The following ERICH1 variants were observed in gnomAD, a reference collection of about 807,000 sequenced individuals.
The protein encoded by ERICH1 is glutamate rich 1.
Under a neutral mutation model 39.6 loss-of-function variants are expected in ERICH1, and 56 were observed. The ratio of observed to expected loss-of-function variants is 1.41; its 90% CI spans 1.14 to 1.77. ERICH1 has a LOEUF of 1.77. Ranked by LOEUF, ERICH1 falls within the 40% of genes most tolerant of loss-of-function variation. The pLI is 0.00. For synonymous variants in ERICH1, 313 were observed against 223.6 expected, an observed-to-expected ratio of 1.40 and a Z score of -3.57; for missense variants, 826 against 575.4, an observed-to-expected ratio of 1.44 and a Z score of -4.45.
In ERICH1 at chr8:692,563, C is replaced by T. The variant is rs1809155661; in HGVS notation, c.219G>A (p.Gly73=). 6.2e-7 allele frequency: 1 copy of T among 1,613,568 alleles called. No homozygotes were observed. Among genetic ancestry groups the T allele is most frequent in the Non-Finnish European group, 8.5e-7 (1 of 1,179,782 alleles). The part of the protein sequence containing the change: ...PTARRLYTAS[G]PPEGYVPCWP... ...AACAGGGGACGTAGCCCTCAGGAGG[C>T]CCGCTGGCAGTGTAGAGCCGTCGGG... Residue 73 remains glycine (G), a synonymous_variant, in exon 3 of 6, where the codon GGG becomes GGA. Transcript: ENST00000262109.
intron 2 of ERICH1, among the ~76,000 whole-genome samples, chr8:708,588 C>T (rs921003907): frequency 9.3e-5 from 14 of 151,134 alleles, no homozygotes; most frequent in African/African-American, 3.4e-4. Context: ...TATGACATGT[C>T]CAGAACAGAC....
At chr8:699,193 T>A (rs1811081103) in intron 2 of ERICH1, among the ~76,000 whole-genome samples, 1 of 152,052 alleles carries the variant, frequency 6.6e-6, no homozygotes, top group Non-Finnish European at 1.5e-5. Flanking sequence ...ATGGTCACAG[T>A]TACCCTGATA....
At chr8:629,647 A>G (rs1258336520) in intron 3 of ERICH1, among the ~76,000 whole-genome samples, 1 of 138,184 alleles carries the variant, frequency 7.2e-6, no homozygotes, top group African/African-American at 2.9e-5. Flanking sequence ...GAGCTGACTC[A>G]CACCCGCCTG....
chr8:692,411 C>T, intron 3 of ERICH1, 67 bp downstream of exon 3: 1 of 1,608,850 alleles, frequency 6.2e-7, no homozygotes. Context: ...TATTACAATA[C>T]CAGAAAATTG....
intron 3 of ERICH1, among the ~76,000 whole-genome samples, chr8:620,086 G>T (rs182605589): frequency 0.024 from 3,582 of 152,264 alleles, 54 homozygotes; most frequent in African/African-American, 0.034. Context: ...GGCCAAGGTG[G>T]GTGGATCACG....
intron 3 of ERICH1, chr8:656,829 C>A (rs1011903584): frequency 3.0e-6 from 3 of 985,288 alleles, no homozygotes; most frequent in African/African-American, 1.7e-5. Flanking sequence ...TCTGAAGAGC[C>A]CCCGGGGAGC....
Position 645,292 on chromosome 8 carries a change from G to A in ERICH1, c.976+23306C>T, listed in dbSNP as rs1480940134. ...CCCCAGAAACATGAGGCCTGCGCCT[G>A]GGCCTTGTGGACTTTGCCCCGCAAT... On this transcript the variant is annotated intron_variant, in intron 3 of 3. Transcript: ENST00000522706. 7.2e-5 allele frequency among the ~76,000 whole-genome samples: 5 copies of A among 68,988 alleles called. 2 individuals are homozygous for A. Among genetic ancestry groups the A allele is most frequent in the African/African-American group, 1.8e-4 (5 of 27,410 alleles). The allele number at this position is 68,988 out of a possible 152,430, so 45.3% of individuals were successfully genotyped here. A position where few individuals can be genotyped will look rare whatever the true frequency, so the allele number is the denominator to read the frequency against.
chr8:729,607 A>G (rs1819545040), intron 1 of ERICH1, among the ~76,000 whole-genome samples: 1 of 152,278 alleles, frequency 6.6e-6, no homozygotes, highest in East Asian at 1.9e-4. Context: ...CAGAAAACTA[A>G]TATTTTCTTT....
Position 692,580 on chromosome 8 carries a change from G to C in ERICH1, c.202C>G (p.Leu68Val). 6.2e-7 allele frequency: 1 copy of C among 1,608,958 alleles called. No individual in the cohort carries two copies. Among genetic ancestry groups the C allele is most frequent in the Non-Finnish European group, 8.5e-7 (1 of 1,177,286 alleles). The part of the protein sequence containing the change: ...TGSETPTARR[L>V]YTASGPPEGY... The stretch of plus-strand genomic sequence containing the variant: ...TCAGGAGGCCCGCTGGCAGTGTAGA[G>C]CCGTCGGGCAGTCGGGGTCTCAGAG... The change falls in exon 3 of 6, where the codon CTC (leucine) becomes GTC (valine). Residue 68 changes from leucine to valine, a missense_variant. Coordinates refer to ENST00000262109, the MANE Select transcript of ERICH1 (RefSeq NM_207332.3).
At chr8:654,743 T>C (rs904729524) in intron 3 of ERICH1, among the ~76,000 whole-genome samples, 1 of 152,164 alleles carries the variant, frequency 6.6e-6, no homozygotes, top group East Asian at 1.9e-4. Context: ...CCACAAGGAC[T>C]TGGGCTGACA....
intron 3 of ERICH1, among the ~76,000 whole-genome samples, chr8:619,942 A>G (rs1385696860): frequency 6.6e-6 from 1 of 152,218 alleles, no homozygotes; most frequent in East Asian, 1.9e-4. Context: ...TAAGGAATAA[A>G]AAATATTACA....
intron 2 of ERICH1, among the ~76,000 whole-genome samples, chr8:700,224 CACGCGCACAG>C (rs2132177965): frequency 9.6e-6 from 1 of 104,326 alleles, no homozygotes; most frequent in South Asian, 3.7e-4. Context: ...CACACCCGCA[CACGCGCACAG>C]GCCCGCACAG....
exon 4 of ERICH1, chr8:614,979 C>T (rs1394660461): frequency 2.6e-6 from 1 of 386,394 alleles, no homozygotes; most frequent in Admixed American, 4.4e-5. Flanking sequence ...CACAGGCTCA[C>T]CTCAGCCAGT....
intron 2 of ERICH1, among the ~76,000 whole-genome samples, chr8:705,857 G>A (rs187287452): frequency 4.6e-5 from 7 of 152,288 alleles, no homozygotes; most frequent in Admixed American, 6.5e-5. Flanking sequence ...CATGGGGGAC[G>A]GTGGAGCCTT....
chr8:671,272 T>G (rs1803298087), intron 4 of ERICH1, among the ~76,000 whole-genome samples: 1 of 145,042 alleles, frequency 6.9e-6, no homozygotes. Flanking sequence ...CTCCGACCAC[T>G]GAGCGCGCTG....
chr8:626,883 G>C (rs984957334), intron 3 of ERICH1: 3 of 301,150 alleles, frequency 1.0e-5, no homozygotes, highest in Non-Finnish European at 2.1e-5. Context: ...AATGCTGGCG[G>C]TTGGAACCTG....
chr8:634,496 C>G (rs1223252642), intron 3 of ERICH1, among the ~76,000 whole-genome samples: 1 of 152,202 alleles, frequency 6.6e-6, no homozygotes, highest in Non-Finnish European at 1.5e-5. Context: ...AACAGGGTCT[C>G]GAGGATACGT....
chr8:686,417 ATTCTT>A (rs1427873034), intron 3 of ERICH1, among the ~76,000 whole-genome samples: 5 of 152,142 alleles, frequency 3.3e-5, no homozygotes, highest in African/African-American at 9.7e-5. Context: ...GAACAAATGC[ATTCTT>A]TTCTTTTGTT....
Position 646,946 on chromosome 8 carries a change from G to C in ERICH1, c.976+21652C>G, listed in dbSNP as rs1172599328. Among the ~76,000 whole-genome samples, 2 of 68,986 alleles carry C rather than the reference G, an allele frequency of 2.9e-5. 1 individual carries two copies. The highest frequency in any genetic ancestry group is 2.5e-4 in the Admixed American group (2 of 8,024). The allele number at this position is 68,986 out of a possible 152,430, so 45.3% of individuals were successfully genotyped here. A position where few individuals can be genotyped will look rare whatever the true frequency, so the allele number is the denominator to read the frequency against. On this transcript the variant is annotated intron_variant, in intron 3 of 3. Transcript: ENST00000522706. ...GAAGTCATGTGGCAAAGCAATTCAC[G>C]CCAGTTAATCTGTGCCGAGGGCCTA...
Sources: allele counts gnomAD v4.1 joint callset (sites outside exome capture counted in the v4.1 genomes callset), GRCh38; gene constraint gnomAD v4.1.1; transcripts MANE v1.5; gene names NCBI Gene and HGNC (gene_info 2026-07-23, HGNC 2026-07-21).